The following LCLAT1 variants were observed in gnomAD, a reference collection of about 807,000 sequenced individuals.
LCLAT1 encodes the protein lysocardiolipin acyltransferase 1.
Under a neutral mutation model 30.7 loss-of-function variants are expected in LCLAT1, and 11 were observed. The ratio of observed to expected loss-of-function variants is 0.36; its 90% CI spans 0.23 to 0.59. LCLAT1 has a LOEUF of 0.59. Ranked by LOEUF, LCLAT1 falls within the 20% of genes least tolerant of loss-of-function variation. The probability of loss-of-function intolerance (pLI) is 0.77; values close to 1 mark genes in which losing one functional copy is unlikely to be tolerated. For synonymous variants in LCLAT1, 155 were observed against 151.3 expected (o/e 1.02, Z -0.18); for missense variants, 402 against 458.6 (o/e 0.88, Z 1.13).
At chr2:30,457,711 G>A (rs1681903221) in intron 1 of LCLAT1, among the ~76,000 whole-genome samples, 1 of 152,092 alleles carries the variant, frequency 6.6e-6, no homozygotes, top group Admixed American at 6.5e-5. Context: ...TTTTATATTT[G>A]CATGAGAGAC....
At chr2:30,598,222 G>A (rs879351289) in intron 5 of LCLAT1, among the ~76,000 whole-genome samples, 10 of 152,122 alleles carry the variant, frequency 6.6e-5, no homozygotes, top group Non-Finnish European at 1.2e-4. Flanking sequence ...AATGGTACCA[G>A]CTCCTTTTTG....
At chr2:30,618,555 G>A (rs191458557) in intron 5 of LCLAT1, among the ~76,000 whole-genome samples, 67 of 152,170 alleles carry the variant, frequency 4.4e-4, no homozygotes, top group East Asian at 5.8e-4. Context: ...CAGACACTGC[G>A]GTCTACTTGA....
chr2:30,585,520 A>G (rs1023465436), intron 5 of LCLAT1, among the ~76,000 whole-genome samples: 1 of 151,932 alleles, frequency 6.6e-6, no homozygotes, highest in African/African-American at 2.4e-5. Context: ...TATTCACACT[A>G]CTTCATAGTT....
rs77536516 is a variant in LCLAT1, at chr2:30,612,603, A to G, written c.629-27514A>G. Among the ~76,000 whole-genome samples, 805 of 152,340 alleles carry G rather than the reference A, an allele frequency of 5.3e-3. 6 individuals are homozygous for G. The highest frequency in any genetic ancestry group is 0.019 in the African/African-American group (779 of 41,584). On this transcript the variant is annotated intron_variant, in intron 5 of 5. Coordinates refer to ENST00000379509, the MANE Select transcript of LCLAT1 (RefSeq NM_001002257.3). ...TAATATAGTGATTGCACAGATTGCA[A>G]GTAGCAGAACTACAGAGTATCTAAG...
chr2:30,531,288 C>G (rs1156804431), intron 2 of LCLAT1, among the ~76,000 whole-genome samples: 1 of 152,106 alleles, frequency 6.6e-6, no homozygotes, highest in Non-Finnish European at 1.5e-5. Context: ...GAAAAAGGGA[C>G]ATTTTTTGCT....
intron 3 of LCLAT1, among the ~76,000 whole-genome samples, chr2:30,538,009 T>TA (rs958563656): frequency 6.1e-5 from 9 of 148,076 alleles, no homozygotes; most frequent in South Asian, 2.1e-4. Flanking sequence ...AAGAAGGAAA[T>TA]AAAAAAAAAA....
At chr2:30,622,850 T>C (rs984746942) in intron 5 of LCLAT1, among the ~76,000 whole-genome samples, 4 of 152,018 alleles carry the variant, frequency 2.6e-5, no homozygotes, top group African/African-American at 9.7e-5. Flanking sequence ...TCTATCCAAA[T>C]GAGAAGGAGC....
intron 5 of LCLAT1, among the ~76,000 whole-genome samples, chr2:30,623,227 G>C (rs1202923359): frequency 6.6e-6 from 1 of 151,750 alleles, no homozygotes; most frequent in African/African-American, 2.4e-5. Flanking sequence ...CTAATTTTTT[G>C]TATTTTTTAG....
chr2:30,599,006 TAG>T (rs35106638), intron 5 of LCLAT1, among the ~76,000 whole-genome samples: 14,105 of 147,948 alleles, frequency 0.095, 702 homozygotes, highest in East Asian at 0.12. Flanking sequence ...TTGAGATAGA[TAG>T]AGTCTCACTC....
At chr2:30,601,422 C>G (rs887732286) in intron 5 of LCLAT1, among the ~76,000 whole-genome samples, 4 of 152,000 alleles carry the variant, frequency 2.6e-5, no homozygotes, top group East Asian at 3.8e-4. Context: ...TTTTTCAACA[C>G]TAAGTAAGTT....
rs1669371426 is a variant in LCLAT1 at position 30,642,495 on chromosome 2, G to C, written c.*1876G>C. 6.7e-6 allele frequency: 1 copy of C among 149,072 alleles called. No individual in the cohort carries two copies. The highest frequency in any genetic ancestry group is 2.1e-4 in the South Asian group (1 of 4,740). 9.2% of individuals were successfully genotyped at this position (149,072 alleles called of 1,614,324 possible). On this transcript the variant is annotated 3_prime_UTR_variant, in exon 6 of 6. Transcript: ENST00000379509. ...TTATGTTTCTCTAAGATTTCCTTTG[G>C]TTGTATTTAGAAACACAAATAGTTT...
In LCLAT1 at chr2:30,465,145, G is replaced by T. The variant is rs951761654; in HGVS notation, c.-5+17762G>T. 4.6e-5 allele frequency among the ~76,000 whole-genome samples: 7 copies of T among 152,162 alleles called. No homozygotes were observed. The South Asian group carries it at 6.2e-4, about 14-fold the overall frequency. ...AAATGGTTTTTGTAATTAAATTGAG[G>T]ATCTTGATGTCTAGGGCACTTATCC... On this transcript the variant is annotated intron_variant, in intron 1 of 5. Transcript: ENST00000379509.
At chr2:30,488,679 C>G (rs1214752129) in intron 1 of LCLAT1, among the ~76,000 whole-genome samples, 1 of 152,208 alleles carries the variant, frequency 6.6e-6, no homozygotes, top group Non-Finnish European at 1.5e-5. Context: ...ATTCCTACCA[C>G]CTAGGCTGCA....
Position 30,525,993 on chromosome 2 carries a change from A to T in LCLAT1, c.165+238A>T, listed in dbSNP as rs75170218. Among the ~76,000 whole-genome samples the T allele has an allele frequency of 8.6e-4, 131 of 152,314 alleles. 5 individuals carry two copies. In the East Asian group the frequency reaches 0.024, roughly 28 times the overall value. ...TGCTTAGGGAATGACAGGGAAAAAA[A>T]ATCTGTGCATCCTCAGTACAGGCTT... On this transcript the variant is annotated intron_variant, in intron 2 of 5. Transcript: ENST00000379509.
intron 5 of LCLAT1, among the ~76,000 whole-genome samples, chr2:30,569,973 T>C (rs1387025577): frequency 6.6e-6 from 1 of 152,210 alleles, no homozygotes; most frequent in Non-Finnish European, 1.5e-5. Context: ...GATGCTTTTT[T>C]TTTTAATTTG....
intron 1 of LCLAT1, among the ~76,000 whole-genome samples, chr2:30,450,188 C>G (rs139309854): frequency 2.6e-5 from 4 of 152,266 alleles, no homozygotes; most frequent in African/African-American, 9.6e-5. Flanking sequence ...ATTGTGGGTA[C>G]AGAGACCTGT....
chr2:30,491,661 C>T lies in LCLAT1; in HGVS notation c.-4-33926C>T, dbSNP rs1413468394. 2.0e-5 allele frequency among the ~76,000 whole-genome samples: 3 copies of T among 152,220 alleles called. No individual in the cohort carries two copies. The East Asian group carries it at 5.8e-4, about 29-fold the overall frequency. ...AGTACCAGCTTGTACTTATATTTTG[C>T]TTGTAGATTTATTTTTAATTTCCCA... On this transcript the variant is annotated intron_variant, in intron 1 of 5. Coordinates refer to ENST00000379509, the MANE Select transcript of LCLAT1 (RefSeq NM_001002257.3).
chr2:30,450,981 GTGTGTGTGTGTTTATT>G (rs1400645346), intron 1 of LCLAT1, among the ~76,000 whole-genome samples: 1 of 90,766 alleles, frequency 1.1e-5, no homozygotes, highest in Non-Finnish European at 2.7e-5. Flanking sequence ...GACTCATACC[GTGTGTGTGTGTTTATT>G]TGTGTGTGTG....
chr2:30,512,062 T>A (rs892551300), intron 1 of LCLAT1, among the ~76,000 whole-genome samples: 2 of 152,214 alleles, frequency 1.3e-5, no homozygotes, highest in African/African-American at 2.4e-5. Flanking sequence ...GCTTTTAAAA[T>A]GTTGTTCTTT....
Sources: gnomAD v4.1 joint callset for allele counts (sites outside exome capture counted in the v4.1 genomes callset) on GRCh38, gnomAD v4.1.1 for gene constraint, MANE v1.5 for transcripts, NCBI Gene and HGNC (gene_info 2026-07-23, HGNC 2026-07-21) for gene names.